The following NALF1 variants were observed in gnomAD, a reference collection of about 807,000 sequenced individuals.
NALF1 encodes the protein NALCN channel auxiliary factor 1, also known as family with sequence similarity 155 member A.
Under a neutral mutation model 48.4 loss-of-function variants are expected in NALF1, and 3 were observed. That is an observed-to-expected ratio of 0.06 (90% CI 0.03 to 0.16). NALF1 has a LOEUF of 0.16. Ranked by LOEUF, NALF1 falls within the 10% of genes least tolerant of loss-of-function variation. NALF1 has a pLI of 1.00. For synonymous variants in NALF1, 262 were observed against 245.7 expected (o/e 1.07, Z -0.62); for missense variants, 526 against 571.5 (o/e 0.92, Z 0.81).
chr13:107,710,809 ATATGTGTATATATACACATAC>A (rs1396658411), intron 1 of NALF1, among the ~76,000 whole-genome samples: 3 of 64,420 alleles, frequency 4.7e-5, no homozygotes, highest in Admixed American at 2.2e-4. Context: ...ATATATACAT[ATATGTGTATATATACACATAC>A]AGAGACACGT....
intron 1 of NALF1, among the ~76,000 whole-genome samples, chr13:107,453,300 A>G (rs144880083): frequency 1.3e-5 from 2 of 152,214 alleles, no homozygotes; most frequent in African/African-American, 4.8e-5. Flanking sequence ...CTCTGCCTGG[A>G]CATCCAAGCA....
At position 107,691,010 on chromosome 13, in the gene NALF1, T is replaced by C. The variant is rs1345206934; in HGVS notation, c.915+174672A>G. Reference sequence around the variant, plus strand: ...AATATGTTGAAGAACCTCAGAACTTTAACTTACTTCGTAAATTCAGTTAGT... The same window carrying C: ...AATATGTTGAAGAACCTCAGAACTTCAACTTACTTCGTAAATTCAGTTAGT... On this transcript the variant is annotated intron_variant, in intron 1 of 2. Coordinates refer to ENST00000375915, the MANE Select transcript of NALF1 (RefSeq NM_001080396.3). Among the ~76,000 whole-genome samples, 3 of 152,246 alleles carry C rather than the reference T, an allele frequency of 2.0e-5. No individual in the cohort carries two copies. The East Asian group carries it at 5.8e-4, about 29-fold the overall frequency.
chr13:107,771,646 A>G (rs1202089486), intron 1 of NALF1, among the ~76,000 whole-genome samples: 1 of 152,124 alleles, frequency 6.6e-6, no homozygotes, highest in Non-Finnish European at 1.5e-5. Context: ...CCTAGCCTGT[A>G]GATGTTTACT....
At chr13:107,851,089 T>A (rs1543003) in intron 1 of NALF1, among the ~76,000 whole-genome samples, 7 of 151,848 alleles carry the variant, frequency 4.6e-5, no homozygotes, top group Non-Finnish European at 1.5e-5. Flanking sequence ...CAGTTTACCC[T>A]CATGGTTGAA....
intron 1 of NALF1, among the ~76,000 whole-genome samples, chr13:107,396,174 T>TC (rs1883708551): frequency 6.6e-6 from 1 of 152,154 alleles, no homozygotes; most frequent in Non-Finnish European, 1.5e-5. Flanking sequence ...TGTGTCTTTT[T>TC]CTTCTTATAA....
chr13:107,229,073 G>A (rs1373079246), intron 1 of NALF1, among the ~76,000 whole-genome samples: 1 of 152,026 alleles, frequency 6.6e-6, no homozygotes, highest in Non-Finnish European at 1.5e-5. Flanking sequence ...ATGTTTTATG[G>A]TATTTACTAA....
At chr13:107,486,764 C>T (rs1358721903) in intron 1 of NALF1, among the ~76,000 whole-genome samples, 1 of 152,164 alleles carries the variant, frequency 6.6e-6, no homozygotes, top group Non-Finnish European at 1.5e-5. Context: ...TGCTTCTCCT[C>T]ATTCCCTTCT....
intron 1 of NALF1, among the ~76,000 whole-genome samples, chr13:107,674,202 T>C (rs1881060161): frequency 1.3e-5 from 2 of 152,040 alleles, no homozygotes; most frequent in South Asian, 2.1e-4. Context: ...CCATGTTCTC[T>C]GCTAGCCTAC....
chr13:107,635,049 A>G (rs1244460739), intron 1 of NALF1, among the ~76,000 whole-genome samples: 2 of 152,184 alleles, frequency 1.3e-5, no homozygotes, highest in Non-Finnish European at 2.9e-5. Context: ...ACACACAAGC[A>G]ATAATTAATA....
chr13:107,733,916 T>C (rs1390583768), intron 1 of NALF1, among the ~76,000 whole-genome samples: 1 of 152,172 alleles, frequency 6.6e-6, no homozygotes, highest in East Asian at 1.9e-4. Context: ...GTAAACATCA[T>C]ACAATTTACT....
chr13:107,785,311 A>T (rs1391405982), intron 1 of NALF1, among the ~76,000 whole-genome samples: 1 of 152,078 alleles, frequency 6.6e-6, no homozygotes, highest in Non-Finnish European at 1.5e-5. Flanking sequence ...GACTGAGAGA[A>T]GACGTCTCCT....
At chr13:107,848,496 T>G (rs1004997767) in intron 1 of NALF1, among the ~76,000 whole-genome samples, 1 of 152,218 alleles carries the variant, frequency 6.6e-6, no homozygotes, top group African/African-American at 2.4e-5. Flanking sequence ...AAATTACTTT[T>G]CCCTTCAAAA....
intron 1 of NALF1, among the ~76,000 whole-genome samples, chr13:107,513,758 C>T (rs1875969791): frequency 6.6e-6 from 1 of 152,154 alleles, no homozygotes; most frequent in Non-Finnish European, 1.5e-5. Flanking sequence ...GAGGCTTGGA[C>T]CTGCAGGAGA....
chr13:107,535,356 T>C (rs866576899), intron 1 of NALF1, among the ~76,000 whole-genome samples: 1 of 152,134 alleles, frequency 6.6e-6, no homozygotes, highest in Admixed American at 6.6e-5. Context: ...ATACGTCCCA[T>C]CAATACCTAA....
At chr13:107,253,549 A>G (rs569914236) in intron 1 of NALF1, among the ~76,000 whole-genome samples, 3 of 152,200 alleles carry the variant, frequency 2.0e-5, no homozygotes, top group Admixed American at 6.5e-5. Flanking sequence ...ACTTGTTTAC[A>G]TGATGGAATT....
At chr13:107,370,887 T>C (rs1178751542) in intron 1 of NALF1, among the ~76,000 whole-genome samples, 1 of 152,130 alleles carries the variant, frequency 6.6e-6, no homozygotes, top group African/African-American at 2.4e-5. Flanking sequence ...GGGAAGCCCC[T>C]TATAAAATGA....
intron 1 of NALF1, among the ~76,000 whole-genome samples, chr13:107,555,340 T>C (rs190074705): frequency 6.6e-6 from 1 of 151,682 alleles, no homozygotes; most frequent in Admixed American, 6.6e-5. Context: ...TGGTGGGGTC[T>C]CAGCTCACTG....
At chr13:107,497,369 T>A (rs959670013) in intron 1 of NALF1, among the ~76,000 whole-genome samples, 7 of 152,226 alleles carry the variant, frequency 4.6e-5, no homozygotes, top group Non-Finnish European at 1.0e-4. Flanking sequence ...TTTCTAATAA[T>A]GACCTAAACT....
At chr13:107,849,892 T>A (rs1880266419) in intron 1 of NALF1, among the ~76,000 whole-genome samples, 1 of 152,234 alleles carries the variant, frequency 6.6e-6, no homozygotes, top group Non-Finnish European at 1.5e-5. Flanking sequence ...CACTGGTATA[T>A]AATTCATTTT....
Sources: allele counts gnomAD v4.1 joint callset (sites outside exome capture counted in the v4.1 genomes callset), GRCh38; gene constraint gnomAD v4.1.1; transcripts MANE v1.5; gene names NCBI Gene and HGNC (gene_info 2026-07-23, HGNC 2026-07-21).